HOXC13: variants seen among roughly 807,000 people sequenced by gnomAD.
HOXC13 encodes the protein homeobox protein Hox-C13.
A neutral mutation model predicts 25.9 loss-of-function variants in HOXC13; 10 were observed. The observed-to-expected ratio is 0.39, with a 90% confidence interval of 0.24 to 0.65. The LOEUF is 0.65. Among genes scored for constraint, HOXC13 ranks in the 30% least tolerant of loss-of-function variants. HOXC13 has a pLI of 0.50. For synonymous variants in HOXC13, 233 were observed against 217.1 expected (o/e 1.07, Z -0.64); for missense variants, 439 against 478.3 (o/e 0.92, Z 0.77).
rs1014615888 is a variant in HOXC13 at position 53,945,211 on chromosome 12, G to T, written c.948G>T (p.Lys316Asn). The change falls in exon 2 of 2, where the codon AAG becomes AAT. Residue 316 changes from lysine (K) to asparagine (N), a missense_variant. By Grantham distance (94) the Lys-to-Asn change is moderately conservative. Transcript: ENST00000243056. The surrounding 1 kb of genome is among the most constrained non-coding windows in gnomAD (Gnocchi z 4.4). The stretch of plus-strand genomic sequence containing the variant: ...TCCAGAACCGGCGGGTCAAAGAGAA[G>T]AAGGTGGTCAGCAAATCGAAAGCGC... The part of the protein sequence containing the change: ...IWFQNRRVKE[K>N]KVVSKSKAPH... 3 of 1,614,180 alleles carry T rather than the reference G, an allele frequency of 1.9e-6. No homozygotes were observed. The highest frequency in any genetic ancestry group is 1.7e-6 in the Non-Finnish European group (2 of 1,180,026).
chr12:53,942,632 T>C (rs1938631929), intron 1 of HOXC13, among the ~76,000 whole-genome samples: 1 of 152,200 alleles, frequency 6.6e-6, no homozygotes, highest in African/African-American at 2.4e-5. Context: ...CTTTAGGCAG[T>C]GTACGCACAT....
At chr12:53,941,291 AG>A (rs1938607598) in intron 1 of HOXC13, among the ~76,000 whole-genome samples, 4 of 152,240 alleles carry the variant, frequency 2.6e-5, no homozygotes, top group Non-Finnish European at 2.9e-5. Context: ...CAAAACACAA[AG>A]CTTCTTAGGA....
In HOXC13 at chr12:53,945,028, C is replaced by G. The variant is rs776640870; in HGVS notation, c.765C>G (p.Ser255Arg). The G allele has an allele frequency of 5.0e-6, 8 of 1,613,972 alleles. No homozygotes were observed. In the South Asian group the frequency reaches 7.7e-5, roughly 16 times the overall value. The stretch of plus-strand genomic sequence containing the variant: ...TGGTTCCCCTGCAGCCCGAGGTGAG[C>G]AGCTACCGGCGCGGGCGCAAGAAAC... Reference protein sequence around the residue: ...PDVVPLQPEVSSYRRGRKKRV... With the variant: ...PDVVPLQPEVRSYRRGRKKRV... The change falls in exon 2 of 2, where the codon AGC (serine) becomes AGG (arginine). Residue 255 changes from serine (S) to arginine (R), a missense_variant. Ser to Arg is a moderately radical substitution (Grantham distance 110). Coordinates refer to ENST00000243056, the MANE Select transcript of HOXC13 (RefSeq NM_017410.3). This position sits in a 1 kb window ranked among gnomAD's most constrained non-coding sequence, Gnocchi z 4.4.
Position 53,939,140 on chromosome 12 carries a change from G to T in HOXC13, c.234G>T (p.Leu78=). ...GCGACCTGCTTCCGCACCCCGTGCT[G>T]GGCCGCCCGCCGGCTCCCCTGGGCG... is the stretch of plus-strand genomic sequence containing the variant. ...HCRDLLPHPV[L]GRPPAPLGAP... The change falls in exon 1 of 2, where the codon CTG becomes CTT. Residue 78 remains leucine (L), a synonymous_variant. Coordinates refer to ENST00000243056, the MANE Select transcript of HOXC13 (RefSeq NM_017410.3). The surrounding 1 kb of genome is among the most constrained non-coding windows in gnomAD (Gnocchi z 6.7). 3 of 1,474,210 alleles carry T rather than the reference G, an allele frequency of 2.0e-6. 1 individual carries two copies. The allele number at this position is 1,474,210 out of a possible 1,614,324, so 91.3% of individuals were successfully genotyped here. A position where few individuals can be genotyped will look rare whatever the true frequency, so the allele number is the denominator to read the frequency against.
intron 1 of HOXC13, among the ~76,000 whole-genome samples, chr12:53,944,041 C>T (rs1938651078): frequency 6.6e-6 from 1 of 152,216 alleles, no homozygotes; most frequent in African/African-American, 2.4e-5. Flanking sequence ...AGAAACAGAA[C>T]TGGTAATATT....
rs776071874 is a variant in HOXC13 at position 53,939,827 on chromosome 12, G to C, written c.736+185G>C. ...CCGGGGAAGAAATCTGCTCCGACACGTTCTCTGTAGCTGCCCGGCCGAGAA... is the reference window on the plus strand; with the variant it reads ...CCGGGGAAGAAATCTGCTCCGACACCTTCTCTGTAGCTGCCCGGCCGAGAA... On this transcript the variant is annotated intron_variant, in intron 1 of 1. Transcript: ENST00000243056. The surrounding 1 kb of genome is among the most constrained non-coding windows in gnomAD (Gnocchi z 6.7). Among the ~76,000 whole-genome samples, 22 of 152,222 alleles carry C rather than the reference G, an allele frequency of 1.4e-4. No homozygotes were observed. The highest frequency in any genetic ancestry group is 3.1e-4 in the Non-Finnish European group (21 of 68,014).
intron 1 of HOXC13, among the ~76,000 whole-genome samples, chr12:53,943,640 C>A (rs1341950569): frequency 1.3e-5 from 2 of 152,154 alleles, no homozygotes; most frequent in African/African-American, 4.8e-5. Flanking sequence ...TCACTGTGAC[C>A]ACTACTCTTC....
At position 53,946,164 on chromosome 12, in the gene HOXC13, T is replaced by C; in HGVS notation, c.*908T>C. 4.3e-6 allele frequency: 1 copy of C among 230,576 alleles called. No homozygotes were observed. Among genetic ancestry groups the C allele is most frequent in the Non-Finnish European group, 8.6e-6 (1 of 116,132 alleles). The allele number at this position is 230,576 out of a possible 1,614,324, so 14.3% of individuals were successfully genotyped here. A position where few individuals can be genotyped will look rare whatever the true frequency, so the allele number is the denominator to read the frequency against. ...AGAGTGGGTCCCTCAACAAAGTCCC[T>C]GTCCAGTCACCTTTCCATCAGGGCA... is the stretch of plus-strand genomic sequence containing the variant. On this transcript the variant is annotated 3_prime_UTR_variant, in exon 2 of 2. Coordinates refer to ENST00000243056, the MANE Select transcript of HOXC13 (RefSeq NM_017410.3).
chr12:53,944,298 C>T (rs1011984259), intron 1 of HOXC13, among the ~76,000 whole-genome samples: 1 of 152,112 alleles, frequency 6.6e-6, no homozygotes, highest in African/African-American at 2.4e-5. Context: ...GAGTGTGGAC[C>T]TCCAAGCAGG....
At chr12:53,940,352 C>A (rs1262909164) in intron 1 of HOXC13, among the ~76,000 whole-genome samples, 1 of 152,140 alleles carries the variant, frequency 6.6e-6, no homozygotes, top group Non-Finnish European at 1.5e-5. Context: ...ATTTCCACTG[C>A]CAACTCCCCC....
chr12:53,945,716 CT>C lies in HOXC13; in HGVS notation c.*463del. 3.9e-6 allele frequency: 1 copy of C among 256,692 alleles called. No homozygotes were observed. 15.9% of individuals were successfully genotyped at this position (256,692 alleles called of 1,614,324 possible). ...CGGAGCAGGATCTGTCCAGCTCATA[CT>C]TTCCTTCGCTGTCCCTCCCGCACTC... On this transcript the variant is annotated 3_prime_UTR_variant, in exon 2 of 2. Coordinates refer to ENST00000243056, the MANE Select transcript of HOXC13 (RefSeq NM_017410.3). The surrounding 1 kb of genome is among the most constrained non-coding windows in gnomAD (Gnocchi z 4.4).
chr12:53,939,660 G>GCGC lies in HOXC13; in HGVS notation c.736+30_736+32dup, dbSNP rs764497130. On this transcript the variant is annotated intron_variant, in intron 1 of 1. Transcript: ENST00000243056. This position sits in a 1 kb window ranked among gnomAD's most constrained non-coding sequence, Gnocchi z 6.7. ...CTTCCCAGGTAAGGAAGGGACCCGAGCGCCGCCGCCGCCGGGGACCCCTCC... is the reference window on the plus strand; with the variant it reads ...CTTCCCAGGTAAGGAAGGGACCCGAGCGCCGCCGCCGCCGCCGGGGACCCCTCC... The GCGC allele has an allele frequency of 6.5e-6, 9 of 1,377,342 alleles. No individual in the cohort carries two copies. The highest frequency in any genetic ancestry group is 3.1e-5 in the Admixed American group (1 of 32,216). The allele number at this position is 1,377,342 out of a possible 1,614,324, so 85.3% of individuals were successfully genotyped here. A position where few individuals can be genotyped will look rare whatever the true frequency, so the allele number is the denominator to read the frequency against.
chr12:53,940,089 A>G (rs556490506), intron 1 of HOXC13, among the ~76,000 whole-genome samples: 7 of 152,384 alleles, frequency 4.6e-5, no homozygotes, highest in Non-Finnish European at 8.8e-5. Context: ...CTTTGACAGA[A>G]TTCGCAGGAT....
chr12:53,945,240 A>G lies in HOXC13; in HGVS notation c.977A>G (p.His326Arg), dbSNP rs200110160. Residue 326 changes from histidine to arginine, a missense_variant, in exon 2 of 2, where the codon CAT becomes CGT. His to Arg is a conservative substitution (Grantham distance 29). Coordinates refer to ENST00000243056, the MANE Select transcript of HOXC13 (RefSeq NM_017410.3). The surrounding 1 kb of genome is among the most constrained non-coding windows in gnomAD (Gnocchi z 4.4). Reference sequence around the variant, plus strand: ...GTGGTCAGCAAATCGAAAGCGCCTCATCTCCACTCCACCTGACCACCCACC... The same window carrying G: ...GTGGTCAGCAAATCGAAAGCGCCTCGTCTCCACTCCACCTGACCACCCACC... ...KKVVSKSKAP[H>R]LHST The G allele has an allele frequency of 9.9e-6, 16 of 1,614,048 alleles. No individual in the cohort carries two copies. The Admixed American group carries it at 2.7e-4, about 27-fold the overall frequency.
Position 53,938,880 on chromosome 12 carries a change from T to G in HOXC13, c.-27T>G. On this transcript the variant is annotated 5_prime_UTR_variant, in exon 1 of 2. Transcript: ENST00000243056. ...GCTCGCTGCCTCTGGCAAGTGGAGT[T>G]TTTAAAAAGCTCCAGCAGATCATGT... The G allele has an allele frequency of 6.5e-7, 1 of 1,529,062 alleles. No individual in the cohort carries two copies. Among genetic ancestry groups the G allele is most frequent in the Non-Finnish European group, 8.7e-7 (1 of 1,145,706 alleles). The allele number at this position is 1,529,062 out of a possible 1,614,324, so 94.7% of individuals were successfully genotyped here. A position where few individuals can be genotyped will look rare whatever the true frequency, so the allele number is the denominator to read the frequency against.
In HOXC13 at chr12:53,939,429, T is replaced by C; in HGVS notation, c.523T>C (p.Tyr175His). ...CTCTAGGGCCAAGGAGTTCGCCTTC[T>C]ACCCCAGCTTCGCCAGCTCCTACCA... is the stretch of plus-strand genomic sequence containing the variant. ...LSSRAKEFAF[Y>H]PSFASSYQAM... Residue 175 changes from tyrosine (Y) to histidine (H), a missense_variant, in exon 1 of 2, where the codon TAC becomes CAC. Coordinates refer to ENST00000243056, the MANE Select transcript of HOXC13 (RefSeq NM_017410.3). The surrounding 1 kb of genome is among the most constrained non-coding windows in gnomAD (Gnocchi z 6.7). The C allele has an allele frequency of 6.2e-7, 1 of 1,604,556 alleles. No individual in the cohort carries two copies. The highest frequency in any genetic ancestry group is 8.5e-7 in the Non-Finnish European group (1 of 1,177,432).
chr12:53,945,138 G>C lies in HOXC13; in HGVS notation c.875G>C (p.Arg292Pro), dbSNP rs1429467402. The C allele has an allele frequency of 3.1e-6, 5 of 1,614,022 alleles. No individual in the cohort carries two copies. Among genetic ancestry groups the C allele is most frequent in the Non-Finnish European group, 4.2e-6 (5 of 1,180,040 alleles). ...SKFITKEKRRRISATTNLSER... is the reference protein window; with the variant it reads ...SKFITKEKRRPISATTNLSER... ...TTCATCACCAAAGAGAAGCGCCGGC[G>C]CATCTCCGCCACCACGAACCTCTCT... Residue 292 changes from arginine to proline, a missense_variant, in exon 2 of 2, where the codon CGC becomes CCC. Arg to Pro is a moderately radical substitution (Grantham distance 103). Transcript: ENST00000243056. The surrounding 1 kb of genome is among the most constrained non-coding windows in gnomAD (Gnocchi z 4.4).
chr12:53,943,030 T>C (rs1212775999), intron 1 of HOXC13, among the ~76,000 whole-genome samples: 1 of 152,228 alleles, frequency 6.6e-6, no homozygotes. Flanking sequence ...ACCTTTACCC[T>C]ACTGTATTCT....
rs1318946975 is a variant in HOXC13 at position 53,945,688 on chromosome 12, C to T, written c.*432C>T. ...TAGAGGACCTTCCCTAAGGGCGCAGCTTCGGAGCAGGATCTGTCCAGCTCA... is the reference window on the plus strand; with the variant it reads ...TAGAGGACCTTCCCTAAGGGCGCAGTTTCGGAGCAGGATCTGTCCAGCTCA... On this transcript the variant is annotated 3_prime_UTR_variant, in exon 2 of 2. Transcript: ENST00000243056. This position sits in a 1 kb window ranked among gnomAD's most constrained non-coding sequence, Gnocchi z 4.4. 1.7e-5 allele frequency: 5 copies of T among 288,938 alleles called. No individual in the cohort carries two copies. The highest frequency in any genetic ancestry group is 8.3e-5 in the African/African-American group (4 of 47,996). The allele number at this position is 288,938 out of a possible 1,614,324, so 17.9% of individuals were successfully genotyped here.
Sources: allele counts gnomAD v4.1 joint callset (sites outside exome capture counted in the v4.1 genomes callset), GRCh38; gene constraint gnomAD v4.1.1; non-coding constraint Gnocchi (gnomAD v3.1); transcripts MANE v1.5; gene names NCBI Gene and HGNC (gene_info 2026-07-23, HGNC 2026-07-21).